Variants in CENPL observed in about 807,000 individuals in gnomAD.
CENPL encodes the protein centromere protein L, also known as interphase centromere complex protein 33.
Under a neutral mutation model 35.2 loss-of-function variants are expected in CENPL, and 20 were observed. That is an observed-to-expected ratio of 0.57 (90% CI 0.40 to 0.83). The LOEUF (loss-of-function observed/expected upper bound fraction) is 0.83. Among genes scored for constraint, CENPL ranks in the 40% least tolerant of loss-of-function variants. The pLI is 0.00. For synonymous variants in CENPL, 140 were observed against 140.6 expected (o/e 1.00, Z 0.03); for missense variants, 363 against 395.8 (o/e 0.92, Z 0.70).
chr1:173,811,771 G>A (rs1368156345), intron 2 of CENPL, among the ~76,000 whole-genome samples: 1 of 152,240 alleles, frequency 6.6e-6, no homozygotes, highest in Non-Finnish European at 1.5e-5. Context: ...GGTGATTTCT[G>A]CATTTCCAAC....
intron 2 of CENPL, among the ~76,000 whole-genome samples, chr1:173,812,296 C>G (rs902549070): frequency 3.1e-4 from 47 of 152,262 alleles, no homozygotes; most frequent in African/African-American, 1.1e-3. Context: ...CCCTGTCTGA[C>G]AGCTCTGAAG....
intron 5 of CENPL, among the ~76,000 whole-genome samples, chr1:173,802,407 C>T (rs1364302211): frequency 5.9e-5 from 9 of 152,170 alleles, no homozygotes; most frequent in Admixed American, 2.0e-4. Context: ...GGGGTTTCAC[C>T]GTGTTAGCCA....
At position 173,803,126 on chromosome 1, in the gene CENPL, C is replaced by G; in HGVS notation, c.800G>C (p.Ser267Thr). ...HPEDAKALWD[S>T]VHKTPGEVTQ... ...AACCTCCCCAGGTGTTTTGTGGACA[C>G]TGTCCCATAGAGCTTTTGCATCCTC... The change falls in exon 5 of 6, where the codon AGT becomes ACT. Residue 267 changes from serine to threonine, a missense_variant. Ser to Thr is a moderately conservative substitution (Grantham distance 58). Coordinates refer to ENST00000682279, the MANE Select transcript of CENPL (RefSeq NM_001387287.1). The G allele has an allele frequency of 6.2e-7, 1 of 1,614,140 alleles. No homozygotes were observed. Among genetic ancestry groups the G allele is most frequent in the Non-Finnish European group, 8.5e-7 (1 of 1,179,988 alleles).
intron 3 of CENPL, 145 bp downstream of exon 3, chr1:173,810,987 C>T (rs980509787): frequency 6.3e-6 from 4 of 631,002 alleles, no homozygotes; most frequent in Non-Finnish European, 1.1e-5. Flanking sequence ...TAGCACTGAT[C>T]GTTATGAAAT....
intron 3 of CENPL, among the ~76,000 whole-genome samples, chr1:173,809,328 G>A (rs1014626978): frequency 3.3e-5 from 5 of 150,926 alleles, no homozygotes; most frequent in African/African-American, 1.2e-4. Context: ...GGGTGATAGA[G>A]CAAGACTCCC....
In CENPL at chr1:173,807,820, C is replaced by T. The variant is rs369261073; in HGVS notation, c.169-302G>A. Among the ~76,000 whole-genome samples the T allele has an allele frequency of 2.8e-3, 432 of 152,324 alleles. 28 individuals carry two copies. The South Asian group carries it at 0.088, about 31-fold the overall frequency. ...AAAGTAGCACCTGCACCCACTCCAA[C>T]TTTGTATCACCTCATCTGGCTTTAC... is the stretch of plus-strand genomic sequence containing the variant. On this transcript the variant is annotated intron_variant, in intron 3 of 5. Transcript: ENST00000682279.
chr1:173,809,485 A>G (rs1413814181), intron 3 of CENPL, among the ~76,000 whole-genome samples: 3 of 151,560 alleles, frequency 2.0e-5, no homozygotes, highest in Non-Finnish European at 4.4e-5. Flanking sequence ...CCAGCTACTC[A>G]GGAGGCTGAG....
chr1:173,809,052 T>A (rs1303725399), intron 3 of CENPL, among the ~76,000 whole-genome samples: 1 of 151,794 alleles, frequency 6.6e-6, no homozygotes, highest in African/African-American at 2.4e-5. Context: ...AGAAAAAAAA[T>A]GGGCCAGGTC....
intron 2 of CENPL, 67 bp downstream of exon 2, chr1:173,823,859 T>C (rs1326989331): frequency 6.6e-6 from 1 of 152,114 alleles, no homozygotes; most frequent in African/African-American, 2.4e-5. Context: ...TATTGTAAGA[T>C]AATGACCACA....
chr1:173,802,949 T>G lies in CENPL; in HGVS notation c.963+14A>C, dbSNP rs1486000674. ...AACAAGGAAAAATTACTTAACTAGATTGTTCAAACTAACCTTTATTTTTCC... is the reference window on the plus strand; with the variant it reads ...AACAAGGAAAAATTACTTAACTAGAGTGTTCAAACTAACCTTTATTTTTCC... On this transcript the variant is annotated intron_variant, in intron 5 of 5. Transcript: ENST00000682279. 6 of 1,553,952 alleles carry G rather than the reference T, an allele frequency of 3.9e-6. No homozygotes were observed. The Admixed American group carries it at 1.1e-4, about 29-fold the overall frequency.
chr1:173,805,866 T>C (rs918173138), intron 4 of CENPL, among the ~76,000 whole-genome samples: 10 of 152,124 alleles, frequency 6.6e-5, no homozygotes, highest in African/African-American at 2.4e-4. Flanking sequence ...AAAGACAGTA[T>C]ACCACTATCT....
chr1:173,806,416 T>A, intron 4 of CENPL: 1 of 444,936 alleles, frequency 2.2e-6, no homozygotes, highest in Non-Finnish European at 4.5e-6. Flanking sequence ...CGAGACCCTG[T>A]CTACAAAAAA....
chr1:173,807,959 T>A (rs949978675), intron 3 of CENPL, among the ~76,000 whole-genome samples: 8 of 152,266 alleles, frequency 5.3e-5, no homozygotes, highest in Admixed American at 5.2e-4. Context: ...GCAGTGATTT[T>A]GTCTATTTAG....
intron 2 of CENPL, among the ~76,000 whole-genome samples, chr1:173,815,776 C>T (rs1234683295): frequency 2.0e-5 from 3 of 152,156 alleles, no homozygotes; most frequent in South Asian, 2.1e-4. Flanking sequence ...AAAACTGGCA[C>T]AAGACAGGGA....
In CENPL at chr1:173,807,433, T is replaced by C. The variant is rs745768571; in HGVS notation, c.254A>G (p.Tyr85Cys). The C allele has an allele frequency of 8.1e-6, 13 of 1,610,906 alleles. No homozygotes were observed. Among genetic ancestry groups the C allele is most frequent in the Middle Eastern group, 1.7e-4 (1 of 6,052 alleles). ...TCTAGAATACTCTTTGAGATTACTA[T>C]AGGAGAATTTATATAAGGGAGTTAA... ...YSLTPLYKFS[Y>C]SNLKEYSRLL... Residue 85 changes from tyrosine (Y) to cysteine (C), a missense_variant, in exon 4 of 6, where the codon TAT becomes TGT. Coordinates refer to ENST00000682279, the MANE Select transcript of CENPL (RefSeq NM_001387287.1).
chr1:173,810,706 G>A (rs1367899346), intron 3 of CENPL, among the ~76,000 whole-genome samples: 5 of 152,134 alleles, frequency 3.3e-5, no homozygotes. Context: ...AGATCACAAG[G>A]TCAGGAGATC....
intron 2 of CENPL, among the ~76,000 whole-genome samples, chr1:173,820,418 A>G (rs1571968875): frequency 6.6e-6 from 1 of 152,126 alleles, no homozygotes; most frequent in East Asian, 1.9e-4. Flanking sequence ...CCAGAGGCTG[A>G]GGCAGGAGGA....
chr1:173,817,388 A>G (rs978823752), intron 2 of CENPL, among the ~76,000 whole-genome samples: 1 of 152,254 alleles, frequency 6.6e-6, no homozygotes, highest in Non-Finnish European at 1.5e-5. Context: ...TATGAAGCCA[A>G]CAAACACATG....
In CENPL at chr1:173,807,285, C is replaced by T. The variant is rs765878762; in HGVS notation, c.402G>A (p.Pro134=). ...LLGMKGTQRD[P]EAFLVQIVSK... ...ATTATACCTGGACAAGAAATGCTTC[C>T]GGGTCCCTTTGTGTTCCTTTCATTC... Residue 134 remains proline, a synonymous_variant, in exon 4 of 6, where the codon CCG becomes CCA. Coordinates refer to ENST00000682279, the MANE Select transcript of CENPL (RefSeq NM_001387287.1). The T allele has an allele frequency of 9.3e-6, 15 of 1,606,888 alleles. No homozygotes were observed. In the Admixed American group the frequency reaches 1.0e-4, roughly 11 times the overall value.
Sources: allele counts gnomAD v4.1 joint callset (sites outside exome capture counted in the v4.1 genomes callset), GRCh38; gene constraint gnomAD v4.1.1; transcripts MANE v1.5; gene names NCBI Gene and HGNC (gene_info 2026-07-23, HGNC 2026-07-21).